PDZRN4: variants seen among roughly 807,000 people sequenced by gnomAD.
PDZRN4 encodes PDZ domain containing ring finger 4, also known as PDZ domain-containing RING finger protein 4.
PDZRN4 carries 70 observed loss-of-function variants against 99.0 expected under a neutral mutation model. The ratio of observed to expected loss-of-function variants is 0.71; its 90% CI spans 0.58 to 0.86. The LOEUF is 0.86. Ranked by LOEUF, PDZRN4 falls within the 40% of genes least tolerant of loss-of-function variation. The pLI is 0.00. For missense variants in PDZRN4, 1,474 were observed against 1,331.2 expected (o/e 1.11, Z -1.67); for synonymous variants, 551 against 501.6 (o/e 1.10, Z -1.32).
At chr12:41,437,437 A>C (rs542370697) in intron 3 of PDZRN4, among the ~76,000 whole-genome samples, 1 of 152,312 alleles carries the variant, frequency 6.6e-6, no homozygotes, top group Non-Finnish European at 1.5e-5. Flanking sequence ...TGGAGAAATT[A>C]AGTGTATGTT....
At chr12:41,302,023 T>C (rs1199548595) in intron 3 of PDZRN4, among the ~76,000 whole-genome samples, 1 of 152,118 alleles carries the variant, frequency 6.6e-6, no homozygotes, top group Admixed American at 6.6e-5. Flanking sequence ...TTCTCCTCTG[T>C]TTTCAATTAT....
chr12:41,432,034 T>C (rs1001945416), intron 3 of PDZRN4, among the ~76,000 whole-genome samples: 2 of 152,220 alleles, frequency 1.3e-5, no homozygotes, highest in African/African-American at 2.4e-5. Context: ...ACCTCAGAGA[T>C]AGAGTGAAAA....
Position 41,572,952 on chromosome 12 carries a change from A to G in PDZRN4, c.2173A>G (p.Met725Val), listed in dbSNP as rs758188080. 6.2e-7 allele frequency: 1 copy of G among 1,614,184 alleles called. No homozygotes were observed. Among genetic ancestry groups the G allele is most frequent in the South Asian group, 1.1e-5 (1 of 91,078 alleles). Residue 725 changes from methionine to valine, a missense_variant, in exon 10 of 10, where the codon ATG (methionine) becomes GTG (valine). Met to Val is a conservative substitution (Grantham distance 21, BLOSUM62 1). Transcript: ENST00000402685. The stretch of plus-strand genomic sequence containing the variant: ...GCAAAGGGGAAAGCTAGATGACATC[A>G]TGGAGCATCCAGAAAAGTCTGACAA... Reference protein sequence around the residue: ...DMQRGKLDDIMEHPEKSDKDS... With the variant: ...DMQRGKLDDIVEHPEKSDKDS...
intron 5 of PDZRN4, among the ~76,000 whole-genome samples, chr12:41,536,653 T>C (rs766414238): frequency 6.6e-6 from 1 of 151,808 alleles, no homozygotes. Context: ...ATGTTGATAA[T>C]AGAAAAGGCT....
intron 3 of PDZRN4, among the ~76,000 whole-genome samples, chr12:41,227,917 A>C (rs956199488): frequency 3.3e-5 from 1 of 29,880 alleles, no homozygotes; most frequent in African/African-American, 6.9e-5. Flanking sequence ...ACACACACAC[A>C]CACCAGAAGG....
intron 3 of PDZRN4, among the ~76,000 whole-genome samples, chr12:41,207,723 G>C (rs1377545631): frequency 6.6e-6 from 1 of 151,662 alleles, no homozygotes; most frequent in East Asian, 1.9e-4. Flanking sequence ...CAAACACATT[G>C]GTGCAATTAA....
rs1565603629 is a variant in PDZRN4 at position 41,515,455 on chromosome 12, A to C, written c.1203+5542A>C. 2.6e-5 allele frequency among the ~76,000 whole-genome samples: 4 copies of C among 152,118 alleles called. No homozygotes were observed. The East Asian group carries it at 7.8e-4, about 30-fold the overall frequency. Reference sequence around the variant, plus strand: ...ATCCATTAAAAAAATCACCTTCATAAGTGCCGTTCCTTTGGGAAATTTACT... The same window carrying C: ...ATCCATTAAAAAAATCACCTTCATACGTGCCGTTCCTTTGGGAAATTTACT... On this transcript the variant is annotated intron_variant, in intron 5 of 9. Coordinates refer to ENST00000402685, the MANE Select transcript of PDZRN4 (RefSeq NM_001164595.2).
At chr12:41,559,967 C>T (rs562823921) in intron 7 of PDZRN4, among the ~76,000 whole-genome samples, 3 of 152,206 alleles carry the variant, frequency 2.0e-5, no homozygotes, top group Non-Finnish European at 4.4e-5. Context: ...TTTCCTAAGG[C>T]CTCCCCAGTC....
rs554053545 is a variant in PDZRN4, at chr12:41,503,963, CA to C, written c.844-2492del. 3.7e-4 allele frequency among the ~76,000 whole-genome samples: 57 copies of C among 152,216 alleles called. 2 individuals carry two copies. The highest frequency in any genetic ancestry group is 1.3e-3 in the African/African-American group (53 of 41,544). On this transcript the variant is annotated intron_variant, in intron 3 of 9. Coordinates refer to ENST00000402685, the MANE Select transcript of PDZRN4 (RefSeq NM_001164595.2). The stretch of plus-strand genomic sequence containing the variant: ...AAAAGATAACATGTTGACACAGTTC[CA>C]GTAGATATATTGAATAGTTGATAAG...
intron 3 of PDZRN4, among the ~76,000 whole-genome samples, chr12:41,301,062 A>AT (rs1480441568): frequency 6.6e-6 from 1 of 151,954 alleles, no homozygotes; most frequent in Non-Finnish European, 1.5e-5. Context: ...TGTTGACCTT[A>AT]TTTTTGATAT....
At chr12:41,539,727 A>G (rs1938815295) in intron 5 of PDZRN4, among the ~76,000 whole-genome samples, 1 of 152,146 alleles carries the variant, frequency 6.6e-6, no homozygotes, top group Non-Finnish European at 1.5e-5. Context: ...ATGTTTTCTT[A>G]ATAACACATG....
At chr12:41,459,224 C>T (rs1463731232) in intron 3 of PDZRN4, among the ~76,000 whole-genome samples, 1 of 152,086 alleles carries the variant, frequency 6.6e-6, no homozygotes, top group African/African-American at 2.4e-5. Context: ...TAGTATATCC[C>T]GTAGATTTGT....
chr12:41,410,490 T>C (rs1409825103), intron 3 of PDZRN4, among the ~76,000 whole-genome samples: 1 of 152,216 alleles, frequency 6.6e-6, no homozygotes, highest in East Asian at 1.9e-4. Flanking sequence ...TGTGCAACCA[T>C]TTTACTATTG....
intron 3 of PDZRN4, among the ~76,000 whole-genome samples, chr12:41,406,392 A>C (rs2120362101): frequency 6.6e-6 from 1 of 152,308 alleles, no homozygotes; most frequent in South Asian, 2.1e-4. Flanking sequence ...TGTTGTCAGG[A>C]GGATGGCTCC....
intron 3 of PDZRN4, among the ~76,000 whole-genome samples, chr12:41,439,451 T>C (rs956854905): frequency 6.6e-6 from 1 of 152,164 alleles, no homozygotes; most frequent in African/African-American, 2.4e-5. Context: ...TTATTTAATC[T>C]GAATTACTAA....
At chr12:41,215,218 T>C (rs781488682) in intron 3 of PDZRN4, among the ~76,000 whole-genome samples, 1 of 152,064 alleles carries the variant, frequency 6.6e-6, no homozygotes, top group Non-Finnish European at 1.5e-5. Flanking sequence ...TATTAAGGAA[T>C]GGCTTAGAAA....
Position 41,573,048 on chromosome 12 carries a change from G to A in PDZRN4, c.2269G>A (p.Asp757Asn), listed in dbSNP as rs1229427473. 5 of 1,614,126 alleles carry A rather than the reference G, an allele frequency of 3.1e-6. No homozygotes were observed. The highest frequency in any genetic ancestry group is 4.2e-6 in the Non-Finnish European group (5 of 1,180,004). Residue 757 changes from aspartate to asparagine, a missense_variant, in exon 10 of 10, where the codon GAC becomes AAC. By Grantham distance (23) the Asp-to-Asn change is conservative. Transcript: ENST00000402685. Reference protein sequence around the residue: ...STPLTVDRSPDSSLPRVINLT... With the variant: ...STPLTVDRSPNSSLPRVINLT... ...TCCGCTCACTGTAGACCGTTCCCCTGACAGTTCCCTTCCAAGGGTGATCAA... is the reference window on the plus strand; with the variant it reads ...TCCGCTCACTGTAGACCGTTCCCCTAACAGTTCCCTTCCAAGGGTGATCAA...
In PDZRN4 at chr12:41,494,631, G is replaced by C. The variant is rs953681024; in HGVS notation, c.844-11825G>C. Among the ~76,000 whole-genome samples the C allele has an allele frequency of 7.9e-5, 12 of 151,726 alleles. No individual in the cohort carries two copies. The East Asian group carries it at 2.3e-3, about 29-fold the overall frequency. ...CATCAATCTATGTTTCATTAATATA[G>C]AACAAAATATTTCTTTTCTAAATCA... On this transcript the variant is annotated intron_variant, in intron 3 of 9. Transcript: ENST00000402685.
intron 3 of PDZRN4, among the ~76,000 whole-genome samples, chr12:41,367,493 A>T (rs1311421955): frequency 6.6e-6 from 1 of 152,074 alleles, no homozygotes; most frequent in Non-Finnish European, 1.5e-5. Context: ...TGGGTGACAG[A>T]GCAAGACTCT....
Sources: gnomAD v4.1 joint callset for allele counts (sites outside exome capture counted in the v4.1 genomes callset) on GRCh38, gnomAD v4.1.1 for gene constraint, MANE v1.5 for transcripts, NCBI Gene and HGNC (gene_info 2026-07-23, HGNC 2026-07-21) for gene names.